The following FAF1 variants were observed in gnomAD, a reference collection of about 807,000 sequenced individuals.
FAF1 encodes Fas associated factor 1.
A neutral mutation model predicts 92.5 loss-of-function variants in FAF1; 25 were observed. That is an observed-to-expected ratio of 0.27 (90% confidence interval 0.20 to 0.38). The LOEUF (loss-of-function observed/expected upper bound fraction) is 0.38, where lower values mean the gene tolerates loss of function less well. FAF1 is among the 10% of genes least tolerant of loss of function. The pLI is 1.00. For missense variants in FAF1, 636 were observed against 793.3 expected (o/e 0.80, Z 2.38); for synonymous variants, 234 against 273.2 (o/e 0.86, Z 1.42).
rs1646159008 is a variant in FAF1 at position 50,440,785 on chromosome 1, T to G, written c.*655A>C. ...CTTGAACAGTTTCCCTATGCTGCAA[T>G]GGAACAGCAAATACCTCCTAGGTAG... On this transcript the variant is annotated 3_prime_UTR_variant, in exon 19 of 19. Coordinates refer to ENST00000396153, the MANE Select transcript of FAF1 (RefSeq NM_007051.3). 6.6e-6 allele frequency: 1 copy of G among 152,240 alleles called. No individual in the cohort carries two copies. Among genetic ancestry groups the G allele is most frequent in the Non-Finnish European group, 1.5e-5 (1 of 68,046 alleles). 9.4% of individuals were successfully genotyped at this position (152,240 alleles called of 1,614,324 possible).
chr1:50,882,553 G>T (rs757944428), intron 1 of FAF1, among the ~76,000 whole-genome samples: 40 of 151,856 alleles, frequency 2.6e-4, no homozygotes, highest in Non-Finnish European at 4.1e-4. Context: ...GGTCAGCCAA[G>T]ATCACCTCAC....
chr1:50,781,320 C>T (rs1490991513), intron 4 of FAF1, among the ~76,000 whole-genome samples: 3 of 151,796 alleles, frequency 2.0e-5, no homozygotes, highest in East Asian at 1.9e-4. Context: ...AAAAAAGATA[C>T]TCCATGGGAA....
chr1:50,755,722 T>A (rs1472935884), intron 4 of FAF1, among the ~76,000 whole-genome samples: 1 of 152,118 alleles, frequency 6.6e-6, no homozygotes, highest in African/African-American at 2.4e-5. Flanking sequence ...CTTCTACACA[T>A]CTTCTGAAAT....
intron 7 of FAF1, among the ~76,000 whole-genome samples, chr1:50,685,722 T>C (rs1040386893): frequency 1.3e-5 from 2 of 152,162 alleles, no homozygotes; most frequent in East Asian, 1.9e-4. Flanking sequence ...AAGAATCAAA[T>C]GAACTAAGGT....
At chr1:50,509,053 TA>T (rs1241311505) in intron 15 of FAF1, among the ~76,000 whole-genome samples, 2 of 152,256 alleles carry the variant, frequency 1.3e-5, no homozygotes, top group East Asian at 1.9e-4. Flanking sequence ...GAATTTCACC[TA>T]AAAAAATTAT....
chr1:50,877,830 G>A (rs1644582780), intron 1 of FAF1, among the ~76,000 whole-genome samples: 1 of 152,124 alleles, frequency 6.6e-6, no homozygotes, highest in Admixed American at 6.5e-5. Flanking sequence ...AACTAAATCA[G>A]AGACAAGGAG....
At chr1:50,675,982 C>T (rs78293456) in intron 7 of FAF1, among the ~76,000 whole-genome samples, 2,320 of 152,272 alleles carry the variant, frequency 0.015, 61 homozygotes, top group African/African-American at 0.052. Flanking sequence ...TGTGGTAGAG[C>T]TGAATGTGAA....
chr1:50,528,000 C>T (rs547764938), intron 15 of FAF1, among the ~76,000 whole-genome samples: 155 of 151,962 alleles, frequency 1.0e-3, no homozygotes, highest in African/African-American at 3.5e-3. Flanking sequence ...CCTCCCGAGT[C>T]GCTGGGACTA....
At chr1:50,829,146 G>A (rs1422175552) in intron 2 of FAF1, among the ~76,000 whole-genome samples, 4 of 152,026 alleles carry the variant, frequency 2.6e-5, no homozygotes, top group Admixed American at 6.6e-5. Flanking sequence ...AGAGCAACTG[G>A]AACTCTCAAA....
At chr1:50,681,517 C>CT (rs34271361) in intron 7 of FAF1, among the ~76,000 whole-genome samples, 2 of 151,726 alleles carry the variant, frequency 1.3e-5, no homozygotes, top group Admixed American at 6.6e-5. Context: ...TCTTTCTTTT[C>CT]TTTTTTTGAG....
chr1:50,731,496 A>G (rs1316702329), intron 6 of FAF1, among the ~76,000 whole-genome samples: 2 of 149,058 alleles, frequency 1.3e-5, no homozygotes, highest in South Asian at 2.1e-4. Flanking sequence ...CAGCCTCCCC[A>G]GTAGCTGGGA....
chr1:50,578,943 G>C (rs1422840863), intron 12 of FAF1, among the ~76,000 whole-genome samples: 1 of 152,070 alleles, frequency 6.6e-6, no homozygotes, highest in Non-Finnish European at 1.5e-5. Context: ...AAAGAGAAAT[G>C]AGGAAAGAAG....
At chr1:50,795,569 G>A (rs1291926361) in intron 3 of FAF1, among the ~76,000 whole-genome samples, 1 of 152,208 alleles carries the variant, frequency 6.6e-6, no homozygotes, top group Admixed American at 6.5e-5. Flanking sequence ...CCTCCTTAAA[G>A]TATGTGGTAT....
Position 50,475,719 on chromosome 1 carries a change from A to G in FAF1, c.1654-40T>C, listed in dbSNP as rs756131264. ...AACCAGGTGTTAAAATGTGAGAAGG[A>G]CTGGACTATGGAGAGTGGGGAGGAA... is the stretch of plus-strand genomic sequence containing the variant. On this transcript the variant is annotated intron_variant, in intron 17 of 18. Transcript: ENST00000396153. 2.8e-6 allele frequency: 4 copies of G among 1,431,740 alleles called. No individual in the cohort carries two copies. The African/African-American group carries it at 4.2e-5, about 15-fold the overall frequency. 88.7% of individuals were successfully genotyped at this position (1,431,740 alleles called of 1,614,324 possible).
chr1:50,746,693 G>T (rs993545133), intron 4 of FAF1, among the ~76,000 whole-genome samples: 1 of 152,088 alleles, frequency 6.6e-6, no homozygotes, highest in Non-Finnish European at 1.5e-5. Flanking sequence ...CAATTTTCAG[G>T]GGAGAAATTC....
intron 2 of FAF1, among the ~76,000 whole-genome samples, chr1:50,850,273 C>T (rs1371169109): frequency 6.6e-6 from 1 of 152,260 alleles, no homozygotes; most frequent in East Asian, 1.9e-4. Context: ...GCTATACATA[C>T]TCCAGGAGTT....
intron 1 of FAF1, among the ~76,000 whole-genome samples, chr1:50,883,434 T>A (rs1644630316): frequency 6.6e-6 from 1 of 152,198 alleles, no homozygotes; most frequent in Admixed American, 6.5e-5. Context: ...ATAAGCCTTC[T>A]GGTATACGAT....
chr1:50,852,071 G>C (rs1339200619), intron 2 of FAF1, among the ~76,000 whole-genome samples: 2 of 150,876 alleles, frequency 1.3e-5, no homozygotes, highest in Non-Finnish European at 3.0e-5. Flanking sequence ...ATATAAACAG[G>C]AAAGAAAAAA....
chr1:50,685,859 C>T (rs1477364984), intron 7 of FAF1, among the ~76,000 whole-genome samples: 1 of 152,174 alleles, frequency 6.6e-6, no homozygotes, highest in Non-Finnish European at 1.5e-5. Flanking sequence ...CAGATTTTCC[C>T]CAGAAATACA....
Sources: allele counts gnomAD v4.1 joint callset (sites outside exome capture counted in the v4.1 genomes callset), GRCh38; gene constraint gnomAD v4.1.1; transcripts MANE v1.5; gene names NCBI Gene and HGNC (gene_info 2026-07-23, HGNC 2026-07-21).